The following SAMTOR variants were observed in gnomAD, a reference collection of about 807,000 sequenced individuals.
SAMTOR encodes UPF0532 protein C7orf60.
the SAMTOR span, among the ~76,000 whole-genome samples, chr7:112,826,606 T>C: frequency 6.6e-6 from 1 of 152,148 alleles, no homozygotes; most frequent in Non-Finnish European, 1.5e-5. Flanking sequence ...TCCCTATTTT[T>C]CTGAAAGTTT....
the SAMTOR span, among the ~76,000 whole-genome samples, chr7:112,922,652 C>T: frequency 8.0e-5 from 12 of 150,456 alleles, no homozygotes; most frequent in African/African-American, 2.9e-4. Context: ...GCCATGACCC[C>T]ATCTGGGAGG....
chr7:112,841,791 GAT>G, the SAMTOR span, among the ~76,000 whole-genome samples: 1 of 152,030 alleles, frequency 6.6e-6, no homozygotes, highest in Non-Finnish European at 1.5e-5. Context: ...ACAACCATCT[GAT>G]CTTTGACAAA....
chr7:112,930,398 C>T, the SAMTOR span, among the ~76,000 whole-genome samples: 7 of 151,986 alleles, frequency 4.6e-5, no homozygotes, highest in East Asian at 1.3e-3. Context: ...TGAAAACCTG[C>T]ATCTTATAGC....
chr7:112,850,549 G>T, the SAMTOR span, among the ~76,000 whole-genome samples: 2 of 152,146 alleles, frequency 1.3e-5, no homozygotes, highest in African/African-American at 4.8e-5. Flanking sequence ...ATTTTGTTGG[G>T]AGAGTTTTTA....
chr7:112,857,383 G>A, the SAMTOR span, among the ~76,000 whole-genome samples: 16 of 152,000 alleles, frequency 1.1e-4, no homozygotes, highest in South Asian at 2.9e-3. Context: ...GAGCCACCGC[G>A]CCCGGCCATG....
the SAMTOR span, among the ~76,000 whole-genome samples, chr7:112,842,687 G>A: frequency 1.6e-4 from 24 of 152,064 alleles, no homozygotes; most frequent in Non-Finnish European, 2.8e-4. Context: ...AGTTATGAAA[G>A]TGTATGTAAA....
the SAMTOR span, among the ~76,000 whole-genome samples, chr7:112,843,118 T>C: frequency 1.3e-5 from 2 of 152,036 alleles, no homozygotes; most frequent in African/African-American, 4.8e-5. Flanking sequence ...GATTGTATCA[T>C]ACAACCATGT....
the SAMTOR span, among the ~76,000 whole-genome samples, chr7:112,827,873 C>T: frequency 5.9e-5 from 9 of 152,170 alleles, no homozygotes; most frequent in Middle Eastern, 3.4e-3. Context: ...GTGCACCATG[C>T]GTGGCTAACT....
chr7:112,877,702 G>T, the SAMTOR span, among the ~76,000 whole-genome samples: 1 of 152,230 alleles, frequency 6.6e-6, no homozygotes, highest in African/African-American at 2.4e-5. Context: ...GGTGGGGCCT[G>T]GTAGGAGGTG....
the SAMTOR span, among the ~76,000 whole-genome samples, chr7:112,920,299 G>A: frequency 3.3e-5 from 5 of 152,174 alleles, no homozygotes; most frequent in South Asian, 2.1e-4. Context: ...TTCAATACAC[G>A]CAAATCAATA....
At chr7:112,916,017 T>C in the SAMTOR span, among the ~76,000 whole-genome samples, 13 of 152,202 alleles carry the variant, frequency 8.5e-5, no homozygotes, top group African/African-American at 3.1e-4. Flanking sequence ...AAGTAAATAT[T>C]TCTATTTACA....
chr7:112,913,880 C>T, the SAMTOR span, among the ~76,000 whole-genome samples: 6 of 152,116 alleles, frequency 3.9e-5, no homozygotes, highest in Non-Finnish European at 5.9e-5. Flanking sequence ...GTTTTCCTTG[C>T]TTTATTTTTC....
chr7:112,919,718 G>A, the SAMTOR span, among the ~76,000 whole-genome samples: 3 of 151,050 alleles, frequency 2.0e-5, no homozygotes, highest in East Asian at 1.9e-4. Context: ...TAATAAAGAA[G>A]AAAAGAGAGA....
At chr7:112,892,395 G>T in the SAMTOR span, among the ~76,000 whole-genome samples, 3 of 152,142 alleles carry the variant, frequency 2.0e-5, no homozygotes, top group African/African-American at 7.2e-5. Flanking sequence ...GTCCTTTCCA[G>T]AAGGTTTTAA....
At chr7:112,873,096 G>A in the SAMTOR span, among the ~76,000 whole-genome samples, 1 of 151,962 alleles carries the variant, frequency 6.6e-6, no homozygotes, top group Non-Finnish European at 1.5e-5. Context: ...AACATCCCAT[G>A]CTCATGAACT....
At chr7:112,850,214 AC>A in the SAMTOR span, among the ~76,000 whole-genome samples, 1,049 of 152,160 alleles carry the variant, frequency 6.9e-3, 15 homozygotes, top group African/African-American at 0.021. Context: ...AACAACAACA[AC>A]AACAAAAAAA....
At chr7:112,872,508 C>T in the SAMTOR span, among the ~76,000 whole-genome samples, 12 of 152,154 alleles carry the variant, frequency 7.9e-5, no homozygotes, top group African/African-American at 2.9e-4. Context: ...CCACATCCAA[C>T]ATCATGCTGA....
chr7:112,903,387 A>G, the SAMTOR span, among the ~76,000 whole-genome samples: 32 of 152,054 alleles, frequency 2.1e-4, no homozygotes, highest in South Asian at 6.2e-3. Flanking sequence ...TAGATTAAAG[A>G]CCAAAAAGGC....
chr7:112,841,972 T>C, the SAMTOR span, among the ~76,000 whole-genome samples: 1 of 151,666 alleles, frequency 6.6e-6, no homozygotes. Flanking sequence ...AACCATAAAA[T>C]AGCTTGTTTT....
Sources: gnomAD v4.1 joint callset for allele counts (sites outside exome capture counted in the v4.1 genomes callset) on GRCh38, gnomAD v4.1.1 for gene constraint, MANE v1.5 for transcripts, NCBI Gene and HGNC (gene_info 2026-07-23, HGNC 2026-07-21) for gene names.